Variants in VAV2 observed in about 807,000 individuals in gnomAD.
The protein encoded by VAV2 is guanine nucleotide exchange factor VAV2.
Under a neutral mutation model 132.5 loss-of-function variants are expected in VAV2, and 67 were observed. That is an observed-to-expected ratio of 0.51 (90% CI 0.42 to 0.62). The LOEUF is 0.62. VAV2 is among the 20% of genes least tolerant of loss of function. The pLI, the probability that VAV2 is intolerant of heterozygous loss-of-function variation, is 0.00. For missense variants in VAV2, 938 were observed against 1,153.6 expected, an observed-to-expected ratio of 0.81 and a Z score of 2.71; for synonymous variants, 492 against 443.5, an observed-to-expected ratio of 1.11 and a Z score of -1.37.
chr9:133,908,179 G>A (rs1368085663), intron 2 of VAV2, among the ~76,000 whole-genome samples: 2 of 151,816 alleles, frequency 1.3e-5, no homozygotes, highest in Non-Finnish European at 2.9e-5. Flanking sequence ...CTAAAGTGAG[G>A]GGTAGCCCTC....
chr9:133,954,476 C>T (rs1339423541), intron 1 of VAV2, among the ~76,000 whole-genome samples: 8 of 152,278 alleles, frequency 5.3e-5, no homozygotes, highest in African/African-American at 1.9e-4. Flanking sequence ...CGCAGCAGCA[C>T]ATCGCAAGTG....
intron 4 of VAV2, among the ~76,000 whole-genome samples, chr9:133,815,593 T>G (rs1835525650): frequency 6.6e-6 from 1 of 152,182 alleles, no homozygotes; most frequent in Non-Finnish European, 1.5e-5. Flanking sequence ...CATTGGATCT[T>G]GTTTGAGACA....
chr9:133,792,249 A>C (rs1171334895), intron 12 of VAV2, among the ~76,000 whole-genome samples: 1 of 48,782 alleles, frequency 2.0e-5, no homozygotes, highest in African/African-American at 8.9e-5. Flanking sequence ...GACTGTGTGT[A>C]TAAGCGGGCT....
At chr9:133,813,795 G>A (rs1001193913) in intron 4 of VAV2, among the ~76,000 whole-genome samples, 7 of 152,182 alleles carry the variant, frequency 4.6e-5, no homozygotes, top group South Asian at 4.1e-4. Context: ...CAGACTGATC[G>A]AACCCTCCAA....
At chr9:133,869,886 G>A (rs1335133468) in intron 2 of VAV2, among the ~76,000 whole-genome samples, 3 of 152,222 alleles carry the variant, frequency 2.0e-5, no homozygotes, top group Non-Finnish European at 4.4e-5. Context: ...AAACTCATTT[G>A]AATATGTTGC....
At chr9:133,947,654 A>G (rs4744527) in intron 1 of VAV2, among the ~76,000 whole-genome samples, 61,975 of 149,030 alleles carry the variant, frequency 0.42, 12,984 homozygotes, top group South Asian at 0.43. Flanking sequence ...AGCCGAGATC[A>G]TGCCATTGCA....
chr9:133,953,376 T>C (rs1261057619), intron 1 of VAV2, among the ~76,000 whole-genome samples: 1 of 152,226 alleles, frequency 6.6e-6, no homozygotes, highest in Non-Finnish European at 1.5e-5. Context: ...TGAATAGGGC[T>C]TGGATGAGAA....
rs56141918 is a variant in VAV2 at position 133,917,441 on chromosome 9, C to CTTTTTTTTTTTTTTTTTTT, written c.321+21661_321+21662insAAAAAAAAAAAAAAAAAAA. ...TCATGAGAAAAACAGAAAACTCTTT[C>CTTTTTTTTTTTTTTTTTTT]TTTTTTTTTTTTTTTGGCTAGAAGG... On this transcript the variant is annotated intron_variant, in intron 2 of 29. Transcript: ENST00000371850. Among the ~76,000 whole-genome samples the CTTTTTTTTTTTTTTTTTTT allele has an allele frequency of 4.9e-4, 65 of 132,526 alleles. 1 individual carries two copies. Among genetic ancestry groups the CTTTTTTTTTTTTTTTTTTT allele is most frequent in the African/African-American group, 2.0e-3 (60 of 30,354 alleles). The allele number at this position is 132,526 out of a possible 152,430, so 86.9% of individuals were successfully genotyped here.
At chr9:133,846,581 C>A (rs760046642) in intron 3 of VAV2, among the ~76,000 whole-genome samples, 1 of 100,148 alleles carries the variant, frequency 1.0e-5, no homozygotes, top group Admixed American at 1.1e-4. Context: ...CCCGGCCGCT[C>A]TCTATCCAGG....
At position 133,778,729 on chromosome 9, in the gene VAV2, G is replaced by A. The variant is rs772262288; in HGVS notation, c.1890+33C>T. ...GGGAGCAGGGAGGAGCTGGAGCCGGGGACCCTCGACCCTCCCGGGCCCCAG... is the reference window on the plus strand; with the variant it reads ...GGGAGCAGGGAGGAGCTGGAGCCGGAGACCCTCGACCCTCCCGGGCCCCAG... On this transcript the variant is annotated intron_variant, in intron 22 of 29. Coordinates refer to ENST00000371850, the MANE Select transcript of VAV2 (RefSeq NM_001134398.2). The A allele has an allele frequency of 3.1e-6, 5 of 1,608,336 alleles. No individual in the cohort carries two copies. In the African/African-American group the frequency reaches 6.7e-5, roughly 21 times the overall value.
At chr9:133,873,590 T>C (rs1024051324) in intron 2 of VAV2, among the ~76,000 whole-genome samples, 1 of 152,162 alleles carries the variant, frequency 6.6e-6, no homozygotes, top group Non-Finnish European at 1.5e-5. Flanking sequence ...CCCTGAACAC[T>C]GACTGCCCAC....
intron 12 of VAV2, among the ~76,000 whole-genome samples, chr9:133,792,528 TTGTG>T (rs1204134456): frequency 1.9e-5 from 2 of 103,474 alleles, no homozygotes; most frequent in East Asian, 2.2e-4. Context: ...GTGTGTGTTA[TTGTG>T]TGTGTGTATG....
chr9:133,932,745 C>A lies in VAV2; in HGVS notation c.321+6358G>T, dbSNP rs918496672. ...TCTCACCCGCCTGCCTCCTCCAGGG[C>A]CCGCCTGGCTCCACCGAGCCTGGAT... On this transcript the variant is annotated intron_variant, in intron 2 of 29. Transcript: ENST00000371850. Among the ~76,000 whole-genome samples, 13 of 152,262 alleles carry A rather than the reference C, an allele frequency of 8.5e-5. No homozygotes were observed. In the South Asian group the frequency reaches 2.5e-3, roughly 29 times the overall value.
chr9:133,916,453 G>A (rs1322160679), intron 2 of VAV2, among the ~76,000 whole-genome samples: 4 of 152,194 alleles, frequency 2.6e-5, no homozygotes, highest in African/African-American at 7.2e-5. Flanking sequence ...TAACAAAAGC[G>A]TCGGCGTCAC....
In VAV2 at chr9:133,840,201, C is replaced by G. The variant is rs887319422; in HGVS notation, c.381-5861G>C. On this transcript the variant is annotated intron_variant, in intron 3 of 29. Transcript: ENST00000371850. The surrounding 1 kb of genome is among the most constrained non-coding windows in gnomAD (Gnocchi z 4.5). Reference sequence around the variant, plus strand: ...GGCGGCTGCATCCCTCTCCTCCCACCAGAGCCTTCCTGAGCATGCATTTCC... The same window carrying G: ...GGCGGCTGCATCCCTCTCCTCCCACGAGAGCCTTCCTGAGCATGCATTTCC... Among the ~76,000 whole-genome samples, 2 of 152,236 alleles carry G rather than the reference C, an allele frequency of 1.3e-5. No homozygotes were observed. Among genetic ancestry groups the G allele is most frequent in the South Asian group, 4.1e-4 (2 of 4,838 alleles).
chr9:133,898,311 G>A lies in VAV2; in HGVS notation c.322-36879C>T, dbSNP rs530511196. Among the ~76,000 whole-genome samples the A allele has an allele frequency of 5.9e-5, 9 of 152,218 alleles. No individual in the cohort carries two copies. In the East Asian group the frequency reaches 7.7e-4, roughly 13 times the overall value. On this transcript the variant is annotated intron_variant, in intron 2 of 29. Transcript: ENST00000371850. ...TCAACAGAAAGAGACTTTTTAGGGC[G>A]GATGTGGTGGTTCACACCTGTAATC...
chr9:133,840,049 C>T lies in VAV2; in HGVS notation c.381-5709G>A, dbSNP rs558460520. On this transcript the variant is annotated intron_variant, in intron 3 of 29. Coordinates refer to ENST00000371850, the MANE Select transcript of VAV2 (RefSeq NM_001134398.2). The surrounding 1 kb of genome is among the most constrained non-coding windows in gnomAD (Gnocchi z 4.5). ...TTTTCCTTCCCGCACTTACCCCTAGCGTCCCCTACCCACACCTTGCCCTGT... is the reference window on the plus strand; with the variant it reads ...TTTTCCTTCCCGCACTTACCCCTAGTGTCCCCTACCCACACCTTGCCCTGT... Among the ~76,000 whole-genome samples, 2 of 152,160 alleles carry T rather than the reference C, an allele frequency of 1.3e-5. No homozygotes were observed. The highest frequency in any genetic ancestry group is 1.3e-4 in the Admixed American group (2 of 15,276).
At position 133,804,384 on chromosome 9, in the gene VAV2, G is replaced by A. The variant is rs563739199; in HGVS notation, c.836+1697C>T. Among the ~76,000 whole-genome samples the A allele has an allele frequency of 1.2e-3, 184 of 152,336 alleles. No homozygotes were observed. The highest frequency in any genetic ancestry group is 3.4e-3 in the Middle Eastern group (1 of 294). On this transcript the variant is annotated intron_variant, in intron 9 of 29. Transcript: ENST00000371850. This position sits in a 1 kb window ranked among gnomAD's most constrained non-coding sequence, Gnocchi z 4.5. ...TCTTGGGCTGGGCCTGTGACTGGAC[G>A]TGCTGCCCGCACTGCAGTGGCGCTC...
intron 11 of VAV2, among the ~76,000 whole-genome samples, 190 bp from the exon 12 acceptor site, chr9:133,795,926 C>T (rs1267818423): frequency 2.0e-5 from 3 of 152,240 alleles, no homozygotes; most frequent in Non-Finnish European, 2.9e-5. Flanking sequence ...GGGGATACCC[C>T]ACTTCTTGGC....
Sources: gnomAD v4.1 joint callset for allele counts (sites outside exome capture counted in the v4.1 genomes callset) on GRCh38, gnomAD v4.1.1 for gene constraint, Gnocchi (gnomAD v3.1) non-coding constraint, MANE v1.5 for transcripts, NCBI Gene and HGNC (gene_info 2026-07-23, HGNC 2026-07-21) for gene names.